Variants in KIFC1 observed in about 807,000 individuals in gnomAD.
KIFC1 encodes the protein kinesin family member C1.
Under a neutral mutation model 66.6 loss-of-function variants are expected in KIFC1, and 37 were observed. The ratio of observed to expected loss-of-function variants is 0.56; its 90% confidence interval spans 0.43 to 0.73. The LOEUF (loss-of-function observed/expected upper bound fraction) is 0.73, where lower values mean the gene tolerates loss of function less well. Ranked by LOEUF, KIFC1 falls within the 30% of genes least tolerant of loss-of-function variation. The pLI is 0.00. For synonymous variants in KIFC1, 325 were observed against 343.5 expected (o/e 0.95, Z 0.60); for missense variants, 721 against 859.8 (o/e 0.84, Z 2.02).
Position 33,400,066 on chromosome 6 carries a change from G to T in KIFC1, c.250+1679G>T. ...AAATATTTTCCTTTGTGCTTAACTA[G>T]CTGGGCATTCCACAGCACCACTGTT... On this transcript the variant is annotated intron_variant, in intron 3 of 10. Transcript: ENST00000428849. This position sits in a 1 kb window ranked among gnomAD's most constrained non-coding sequence, Gnocchi z 4.3. The T allele has an allele frequency of 1.4e-6, 1 of 723,882 alleles. No individual in the cohort carries two copies. The highest frequency in any genetic ancestry group is 2.5e-6 in the Non-Finnish European group (1 of 399,578). 44.8% of individuals were successfully genotyped at this position (723,882 alleles called of 1,614,324 possible).
Position 33,403,222 on chromosome 6 carries a change from G to A in KIFC1, c.251-92G>A. 1.7e-6 allele frequency: 2 copies of A among 1,194,508 alleles called. No homozygotes were observed. The highest frequency in any genetic ancestry group is 2.4e-5 in the South Asian group (2 of 81,686). 74.0% of individuals were successfully genotyped at this position (1,194,508 alleles called of 1,614,324 possible). Reference sequence around the variant, plus strand: ...GAAGTTATCCTATTTCTAATTCTGAGAAAAGCACTTCTTCTGCCCCTGTCC... The same window carrying A: ...GAAGTTATCCTATTTCTAATTCTGAAAAAAGCACTTCTTCTGCCCCTGTCC... On this transcript the variant is annotated intron_variant, in intron 3 of 10. Transcript: ENST00000428849. The surrounding 1 kb of genome is among the most constrained non-coding windows in gnomAD (Gnocchi z 4.6).
chr6:33,399,258 C>G (rs1345006237), intron 3 of KIFC1, among the ~76,000 whole-genome samples: 2 of 152,006 alleles, frequency 1.3e-5, no homozygotes, highest in African/African-American at 4.8e-5. Context: ...CGTGATGGCC[C>G]GTGCCTGTAA....
At position 33,391,919 on chromosome 6, in the gene KIFC1, C is replaced by T. The variant is rs1774800853; in HGVS notation, c.-67C>T. On this transcript the variant is annotated 5_prime_UTR_variant, in exon 1 of 11. Coordinates refer to ENST00000428849, the MANE Select transcript of KIFC1 (RefSeq NM_002263.4). ...CGCGAGCGGGCGAGAGAACGCGAGT[C>T]CCAGGATCCCCGGCACCCAGTTCTC... 2.5e-6 allele frequency: 4 copies of T among 1,599,434 alleles called. No individual in the cohort carries two copies. The highest frequency in any genetic ancestry group is 3.3e-5 in the Admixed American group (2 of 59,928).
chr6:33,401,582 G>C lies in KIFC1; in HGVS notation c.251-1732G>C, dbSNP rs997797011. Among the ~76,000 whole-genome samples the C allele has an allele frequency of 6.6e-6, 1 of 152,130 alleles. No individual in the cohort carries two copies. The highest frequency in any genetic ancestry group is 2.4e-5 in the African/African-American group (1 of 41,426). On this transcript the variant is annotated intron_variant, in intron 3 of 10. Coordinates refer to ENST00000428849, the MANE Select transcript of KIFC1 (RefSeq NM_002263.4). This position sits in a 1 kb window ranked among gnomAD's most constrained non-coding sequence, Gnocchi z 4.5. ...ACACATTAGCCTAGGCCTACATAGG[G>C]TCAGGATCATCAACATCACTGGCTT...
chr6:33,406,843 G>A lies in KIFC1; in HGVS notation c.1945G>A (p.Glu649Lys), dbSNP rs766822322. 13 of 1,614,060 alleles carry A rather than the reference G, an allele frequency of 8.1e-6. No homozygotes were observed. The highest frequency in any genetic ancestry group is 1.1e-5 in the South Asian group (1 of 91,080). Residue 649 changes from glutamate to lysine, a missense_variant, in exon 10 of 11, where the codon GAG (glutamate) becomes AAG (lysine). By Grantham distance (56) the Glu-to-Lys change is moderately conservative. Coordinates refer to ENST00000428849, the MANE Select transcript of KIFC1 (RefSeq NM_002263.4). The surrounding 1 kb of genome is among the most constrained non-coding windows in gnomAD (Gnocchi z 4.5). ...NISPLEENVS[E>K]SLNSLRFASK... is the part of the protein sequence containing the mutation. ...TTCTCCACTGGAAGAGAACGTCTCC[G>A]AGTCCCTCAACTCTCTACGCTTTGC...
In KIFC1 at chr6:33,398,169, G is replaced by A. The variant is rs1308455164; in HGVS notation, c.150+3G>A. 2 of 1,614,216 alleles carry A rather than the reference G, an allele frequency of 1.2e-6. No homozygotes were observed. Among genetic ancestry groups the A allele is most frequent in the African/African-American group, 2.7e-5 (2 of 75,046 alleles). On this transcript the variant is annotated splice_donor_region_variant and intron_variant, in intron 2 of 10. Transcript: ENST00000428849. ...AAGATGGCCTGGAGCCTGAGAAGGT[G>A]AGCTGGGCATGGAGAGCTGTGCATG...
Position 33,405,676 on chromosome 6 carries a change from G to C in KIFC1, c.1536+45G>C. 6.9e-7 allele frequency: 1 copy of C among 1,458,706 alleles called. No individual in the cohort carries two copies. The highest frequency in any genetic ancestry group is 9.0e-7 in the Non-Finnish European group (1 of 1,106,234). 90.4% of individuals were successfully genotyped at this position (1,458,706 alleles called of 1,614,324 possible). On this transcript the variant is annotated intron_variant, in intron 7 of 10. Coordinates refer to ENST00000428849, the MANE Select transcript of KIFC1 (RefSeq NM_002263.4). This position sits in a 1 kb window ranked among gnomAD's most constrained non-coding sequence, Gnocchi z 5.4. ...GGAACTGGGAAATGGGGAGGAGTGG[G>C]CAGGGTGCCACGAGATGGAGGTAGA...
Position 33,398,519 on chromosome 6 carries a change from C to CA in KIFC1, c.250+133dup. Reference sequence around the variant, plus strand: ...TCGCTCTATCGCCCAGGCTGGAGTGCAGTGGCTCAATCTCACTCACTGCAA... The same window carrying CA: ...TCGCTCTATCGCCCAGGCTGGAGTGCAAGTGGCTCAATCTCACTCACTGCAA... On this transcript the variant is annotated intron_variant, in intron 3 of 10. Coordinates refer to ENST00000428849, the MANE Select transcript of KIFC1 (RefSeq NM_002263.4). 3 of 727,242 alleles carry CA rather than the reference C, an allele frequency of 4.1e-6. No homozygotes were observed. In the East Asian group the frequency reaches 8.1e-5, roughly 20 times the overall value. The allele number at this position is 727,242 out of a possible 1,614,324, so 45.0% of individuals were successfully genotyped here. A position where few individuals can be genotyped will look rare whatever the true frequency, so the allele number is the denominator to read the frequency against.
intron 1 of KIFC1, among the ~76,000 whole-genome samples, chr6:33,397,771 G>A (rs1775132398): frequency 6.6e-6 from 1 of 152,208 alleles, no homozygotes; most frequent in Non-Finnish European, 1.5e-5. Flanking sequence ...CTTCCAGGAA[G>A]AGCATCCATT....
chr6:33,399,202 A>C (rs548854576), intron 3 of KIFC1, among the ~76,000 whole-genome samples: 2 of 152,294 alleles, frequency 1.3e-5, no homozygotes, highest in East Asian at 3.9e-4. Flanking sequence ...AGCCTGGCCA[A>C]TATGGTTGAA....
At chr6:33,392,048 G>C in intron 1 of KIFC1, 51 bp downstream of exon 1, 1 of 1,600,130 alleles carries the variant, frequency 6.2e-7, no homozygotes, top group East Asian at 2.3e-5. Context: ...GACGAAGGCT[G>C]ACCGCTCCGA....
chr6:33,409,036 C>T (rs997789003), intron 10 of KIFC1, among the ~76,000 whole-genome samples: 4 of 152,124 alleles, frequency 2.6e-5, no homozygotes, highest in Admixed American at 6.5e-5. Flanking sequence ...GGCGTGGTGG[C>T]GGGCGCCTGT....
At chr6:33,397,273 GCCCAGAATTAAGT>G (rs961993455) in intron 1 of KIFC1, among the ~76,000 whole-genome samples, 1 of 148,508 alleles carries the variant, frequency 6.7e-6, no homozygotes, top group African/African-American at 2.5e-5. Flanking sequence ...CACCGTGCTC[GCCCAGAATTAAGT>G]TCTAATGCCC....
chr6:33,402,459 C>A (rs374717372), intron 3 of KIFC1, among the ~76,000 whole-genome samples: 1 of 152,078 alleles, frequency 6.6e-6, no homozygotes, highest in Non-Finnish European at 1.5e-5. Context: ...TGGTGGCTCA[C>A]GCCTGTAATC....
intron 3 of KIFC1, among the ~76,000 whole-genome samples, chr6:33,398,694 G>C (rs1352585054): frequency 6.6e-6 from 1 of 152,102 alleles, no homozygotes; most frequent in Non-Finnish European, 1.5e-5. Context: ...TTGAACTCCT[G>C]ACCTCAGGTG....
Position 33,401,426 on chromosome 6 carries a change from G to C in KIFC1, c.251-1888G>C, listed in dbSNP as rs568922697. ...TGGGATTACAGACATGAGTTACTGC[G>C]CCCCGCCTGAAATTCTTTTTTTAAT... On this transcript the variant is annotated intron_variant, in intron 3 of 10. Coordinates refer to ENST00000428849, the MANE Select transcript of KIFC1 (RefSeq NM_002263.4). This position sits in a 1 kb window ranked among gnomAD's most constrained non-coding sequence, Gnocchi z 4.5. Among the ~76,000 whole-genome samples, 1 of 151,910 alleles carries C rather than the reference G, an allele frequency of 6.6e-6. No homozygotes were observed. The highest frequency in any genetic ancestry group is 2.4e-5 in the African/African-American group (1 of 41,340).
rs1432982126 is a variant in KIFC1, at chr6:33,401,728, G to A, written c.251-1586G>A. On this transcript the variant is annotated intron_variant, in intron 3 of 10. Transcript: ENST00000428849. This position sits in a 1 kb window ranked among gnomAD's most constrained non-coding sequence, Gnocchi z 4.5. ...CCTTTTTTTTTTTTTTTGAGACGGAGTCTCGCACTGTCGCCCAGGCTAGAG... is the reference window on the plus strand; with the variant it reads ...CCTTTTTTTTTTTTTTTGAGACGGAATCTCGCACTGTCGCCCAGGCTAGAG... 6.8e-6 allele frequency among the ~76,000 whole-genome samples: 1 copy of A among 147,944 alleles called. No homozygotes were observed. The highest frequency in any genetic ancestry group is 1.5e-5 in the Non-Finnish European group (1 of 67,538).
chr6:33,406,412 C>T lies in KIFC1; in HGVS notation c.1753C>T (p.Arg585Cys), dbSNP rs199533404. 7 of 1,608,184 alleles carry T rather than the reference C, an allele frequency of 4.4e-6. No homozygotes were observed. The highest frequency in any genetic ancestry group is 5.1e-6 in the Non-Finnish European group (6 of 1,175,880). Reference sequence around the variant, plus strand: ...AGCCCTCGGCCCCGGGGAGCGGGAACGCCTTCGGGAAACACAGGCCATTAA... The same window carrying T: ...AGCCCTCGGCCCCGGGGAGCGGGAATGCCTTCGGGAAACACAGGCCATTAA... ...GLALGPGERERLRETQAINSS... is the reference protein window; with the variant it reads ...GLALGPGERECLRETQAINSS... Residue 585 changes from arginine (R) to cysteine (C), a missense_variant, in exon 8 of 11, where the codon CGC becomes TGC. By Grantham distance (180) the Arg-to-Cys change is radical (BLOSUM62 -3). Transcript: ENST00000428849. This position sits in a 1 kb window ranked among gnomAD's most constrained non-coding sequence, Gnocchi z 4.5.
chr6:33,396,951 G>T (rs1330147248), intron 1 of KIFC1, among the ~76,000 whole-genome samples: 1 of 146,848 alleles, frequency 6.8e-6, no homozygotes, highest in African/African-American at 2.5e-5. Context: ...CAAAGTGCTG[G>T]GATTATAGGC....
Sources: gnomAD v4.1 joint callset for allele counts (sites outside exome capture counted in the v4.1 genomes callset) on GRCh38, gnomAD v4.1.1 for gene constraint, Gnocchi (gnomAD v3.1) non-coding constraint, MANE v1.5 for transcripts, NCBI Gene and HGNC (gene_info 2026-07-23, HGNC 2026-07-21) for gene names.